The following PLEKHA5 variants were observed in gnomAD, a reference collection of about 807,000 sequenced individuals.
PLEKHA5 encodes the protein pleckstrin homology domain-containing family A member 5.
A neutral mutation model predicts 181.9 loss-of-function variants in PLEKHA5; 55 were observed. The ratio of observed to expected loss-of-function variants is 0.30; its 90% CI spans 0.24 to 0.38. The LOEUF is 0.38. PLEKHA5 is among the 10% of genes least tolerant of loss of function. The pLI is 1.00. For synonymous variants in PLEKHA5, 535 were observed against 529.4 expected (o/e 1.01, Z -0.15); for missense variants, 1,432 against 1,549.5 (o/e 0.92, Z 1.27).
intron 11 of PLEKHA5, among the ~76,000 whole-genome samples, chr12:19,281,937 A>G (rs1045462967): frequency 2.6e-5 from 4 of 151,692 alleles, no homozygotes; most frequent in African/African-American, 9.7e-5. Flanking sequence ...ACCTGCCACC[A>G]CGCCCGGCTA....
At chr12:19,153,657 T>A (rs2040993367) in intron 3 of PLEKHA5, 1 of 152,174 alleles carries the variant, frequency 6.6e-6, no homozygotes, top group South Asian at 2.1e-4. Context: ...TGGTGTTGTG[T>A]GTTCATTGAG....
intron 31 of PLEKHA5, among the ~76,000 whole-genome samples, 186 bp downstream of exon 31, chr12:19,369,984 T>G (rs1174625593): frequency 6.6e-6 from 1 of 152,270 alleles, no homozygotes; most frequent in Non-Finnish European, 1.5e-5. Context: ...CTCTGATGAT[T>G]TGCTGTGTGA....
chr12:19,289,065 C>T (rs748840039), intron 13 of PLEKHA5, among the ~76,000 whole-genome samples: 1 of 152,170 alleles, frequency 6.6e-6, no homozygotes, highest in Non-Finnish European at 1.5e-5. Flanking sequence ...GGCAAGACCT[C>T]AAGTGTTGGA....
chr12:19,148,342 C>T (rs948740646), intron 3 of PLEKHA5, among the ~76,000 whole-genome samples: 11 of 152,236 alleles, frequency 7.2e-5, no homozygotes, highest in African/African-American at 2.7e-4. Flanking sequence ...CAGGTGTAAG[C>T]CACCATGTCC....
At chr12:19,287,793 T>G (rs946475708) in intron 13 of PLEKHA5, among the ~76,000 whole-genome samples, 2 of 152,116 alleles carry the variant, frequency 1.3e-5, no homozygotes, top group African/African-American at 4.8e-5. Context: ...TTTTGAAACT[T>G]TATGGCCGGG....
chr12:19,302,906 A>ATTTTTTTTTTTTTTTT lies in PLEKHA5; in HGVS notation c.2037+11227_2037+11242dup, dbSNP rs34702332. Among the ~76,000 whole-genome samples, 7 of 53,992 alleles carry ATTTTTTTTTTTTTTTT rather than the reference A, an allele frequency of 1.3e-4. 1 individual carries two copies. Among genetic ancestry groups the ATTTTTTTTTTTTTTTT allele is most frequent in the African/African-American group, 2.3e-4 (3 of 13,308 alleles). 35.4% of individuals were successfully genotyped at this position (53,992 alleles called of 152,430 possible). On this transcript the variant is annotated intron_variant, in intron 15 of 31. Transcript: ENST00000429027. ...GTTGGACAGCACTGTTCTGTATGAA[A>ATTTTTTTTTTTTTTTT]TTTTTTTTTTTTTTTTTTTTTTTTT...
At chr12:19,320,115 G>A in intron 17 of PLEKHA5, 59 bp downstream of exon 17, 2 of 653,684 alleles carry the variant, frequency 3.1e-6, no homozygotes, top group South Asian at 2.1e-5. Context: ...TTGTTAAGAT[G>A]TGTTGACATT....
intron 3 of PLEKHA5, among the ~76,000 whole-genome samples, chr12:19,209,878 G>T (rs2056560039): frequency 6.6e-6 from 1 of 152,144 alleles, no homozygotes; most frequent in African/African-American, 2.4e-5. Flanking sequence ...AGAAATGTCT[G>T]GGAAGTCATC....
chr12:19,266,046 A>G lies in PLEKHA5; in HGVS notation c.711+196A>G, dbSNP rs548040605. Among the ~76,000 whole-genome samples, 3 of 152,286 alleles carry G rather than the reference A, an allele frequency of 2.0e-5. No homozygotes were observed. In the South Asian group the frequency reaches 6.2e-4, roughly 32 times the overall value. ...CACGTGCTAAAATATTTAGGGGTCA[A>G]GTGTCTTCATGTCTGTGCTTTCAAA... On this transcript the variant is annotated intron_variant, in intron 8 of 31. Coordinates refer to ENST00000429027, the MANE Select transcript of PLEKHA5 (RefSeq NM_001256470.2).
intron 11 of PLEKHA5, among the ~76,000 whole-genome samples, chr12:19,280,022 T>A (rs1364198951): frequency 1.4e-5 from 2 of 144,024 alleles, no homozygotes; most frequent in Non-Finnish European, 3.0e-5. Flanking sequence ...ACTTAATTCA[T>A]CACAATGAAA....
chr12:19,222,775 G>T, intron 3 of PLEKHA5, among the ~76,000 whole-genome samples: 1 of 152,212 alleles, frequency 6.6e-6, no homozygotes, highest in Middle Eastern at 3.4e-3. Context: ...AATATGTGCA[G>T]TTGGTGAAGT....
chr12:19,244,136 A>T (rs184548151), intron 3 of PLEKHA5, among the ~76,000 whole-genome samples: 1 of 152,304 alleles, frequency 6.6e-6, no homozygotes, highest in Non-Finnish European at 1.5e-5. Flanking sequence ...GCTGCTACAA[A>T]CATGTTTTTT....
chr12:19,286,426 A>G (rs914054732), intron 12 of PLEKHA5, among the ~76,000 whole-genome samples: 1 of 152,220 alleles, frequency 6.6e-6, no homozygotes, highest in Admixed American at 6.5e-5. Flanking sequence ...TTATCAAGAA[A>G]AACTATTAAA....
At chr12:19,173,768 T>G (rs962727582) in intron 3 of PLEKHA5, among the ~76,000 whole-genome samples, 1 of 152,244 alleles carries the variant, frequency 6.6e-6, no homozygotes, top group African/African-American at 2.4e-5. Context: ...AAAGGCATCA[T>G]GTATTTTTAT....
intron 3 of PLEKHA5, among the ~76,000 whole-genome samples, chr12:19,215,015 T>C (rs2057681410): frequency 6.6e-6 from 1 of 151,960 alleles, no homozygotes; most frequent in Non-Finnish European, 1.5e-5. Context: ...CCGTTTCTAC[T>C]AAAAATAAAA....
chr12:19,225,015 G>C (rs966706700), intron 3 of PLEKHA5, among the ~76,000 whole-genome samples: 2 of 152,086 alleles, frequency 1.3e-5, no homozygotes, highest in Admixed American at 6.6e-5. Context: ...GGGGAGAAAA[G>C]AATCTGTTAA....
chr12:19,321,368 T>A (rs1343948509), intron 18 of PLEKHA5, among the ~76,000 whole-genome samples: 1 of 135,242 alleles, frequency 7.4e-6, no homozygotes, highest in Non-Finnish European at 1.6e-5. Flanking sequence ...TTCTTTTTTT[T>A]TTTTTTTTTT....
intron 3 of PLEKHA5, among the ~76,000 whole-genome samples, chr12:19,191,786 G>A (rs1006548807): frequency 2.0e-5 from 3 of 152,158 alleles, no homozygotes; most frequent in African/African-American, 7.2e-5. Context: ...CATGCTGGAG[G>A]ATCACGTGTC....
At chr12:19,337,476 G>A (rs1459612115) in intron 21 of PLEKHA5, among the ~76,000 whole-genome samples, 5 of 148,634 alleles carry the variant, frequency 3.4e-5, no homozygotes, top group East Asian at 4.0e-4. Context: ...TTGAACCCAC[G>A]AGGTGGAGGT....
Sources: allele counts gnomAD v4.1 joint callset (sites outside exome capture counted in the v4.1 genomes callset), GRCh38; gene constraint gnomAD v4.1.1; transcripts MANE v1.5; gene names NCBI Gene and HGNC (gene_info 2026-07-23, HGNC 2026-07-21).